The following LRRC7 variants were observed in gnomAD, a reference collection of about 807,000 sequenced individuals.
The protein encoded by LRRC7 is leucine-rich repeat-containing protein 7.
A neutral mutation model predicts 175.7 loss-of-function variants in LRRC7; 23 were observed. That is an observed-to-expected ratio of 0.13 (90% CI 0.09 to 0.19). LRRC7 has a LOEUF of 0.19. LRRC7 is among the 10% of genes least tolerant of loss of function. The pLI, the probability that LRRC7 is intolerant of heterozygous loss-of-function variation, is 1.00. For synonymous variants in LRRC7, 685 were observed against 680.9 expected (o/e 1.01, Z -0.09); for missense variants, 1,354 against 1,904.7 (o/e 0.71, Z 5.38).
intron 5 of LRRC7, among the ~76,000 whole-genome samples, chr1:69,831,679 C>G (rs2101299212): frequency 6.6e-6 from 1 of 152,176 alleles, no homozygotes; most frequent in East Asian, 1.9e-4. Flanking sequence ...CTCTTAAAAG[C>G]AAATTTATGG....
At chr1:69,611,683 C>G (rs1648755756) in intron 1 of LRRC7, among the ~76,000 whole-genome samples, 1 of 152,046 alleles carries the variant, frequency 6.6e-6, no homozygotes, top group Non-Finnish European at 1.5e-5. Context: ...CCATAAGGCA[C>G]ATGGAACCCT....
chr1:69,801,412 AGG>A (rs1488783751), intron 4 of LRRC7, among the ~76,000 whole-genome samples: 8 of 151,728 alleles, frequency 5.3e-5, no homozygotes, highest in Non-Finnish European at 1.0e-4. Flanking sequence ...TGATCTGTTC[AGG>A]ATTTCTATGT....
intron 1 of LRRC7, among the ~76,000 whole-genome samples, chr1:69,573,057 C>T (rs952626897): frequency 2.0e-5 from 3 of 152,112 alleles, no homozygotes; most frequent in Admixed American, 6.6e-5. Context: ...AGTACCTGAA[C>T]TGTAATCATA....
At chr1:69,949,590 A>G (rs1244574439) in intron 8 of LRRC7, among the ~76,000 whole-genome samples, 1 of 151,990 alleles carries the variant, frequency 6.6e-6, no homozygotes, top group Non-Finnish European at 1.5e-5. Context: ...GAATATAAAT[A>G]TTGTACATCT....
intron 4 of LRRC7, among the ~76,000 whole-genome samples, chr1:69,796,851 T>A (rs892461364): frequency 2.6e-5 from 4 of 152,064 alleles, no homozygotes; most frequent in Non-Finnish European, 5.9e-5. Flanking sequence ...TGTCATTTAC[T>A]CTAGGAAACT....
At chr1:69,969,639 A>G (rs1397519967) in intron 8 of LRRC7, among the ~76,000 whole-genome samples, 2 of 152,168 alleles carry the variant, frequency 1.3e-5, no homozygotes, top group African/African-American at 2.4e-5. Flanking sequence ...AACAACTACT[A>G]CTAGACCTAA....
At chr1:69,870,701 A>G (rs113016614) in intron 7 of LRRC7, among the ~76,000 whole-genome samples, 10 of 152,246 alleles carry the variant, frequency 6.6e-5, no homozygotes, top group African/African-American at 2.4e-4. Context: ...GACCCAAATT[A>G]TAAGTTAGCT....
intron 3 of LRRC7, among the ~76,000 whole-genome samples, chr1:69,784,041 G>A (rs1390177930): frequency 6.6e-6 from 1 of 152,068 alleles, no homozygotes; most frequent in African/African-American, 2.4e-5. Flanking sequence ...CGTGTTATAT[G>A]AAACATAAAG....
intron 23 of LRRC7, among the ~76,000 whole-genome samples, chr1:70,055,905 A>G (rs61782643): frequency 0.13 from 19,531 of 152,154 alleles, 1,723 homozygotes; most frequent in African/African-American, 0.24. Flanking sequence ...TAGAACCAAA[A>G]CAATCTTGTG....
At chr1:69,937,934 C>A (rs1012296696) in intron 8 of LRRC7, among the ~76,000 whole-genome samples, 1 of 151,696 alleles carries the variant, frequency 6.6e-6, no homozygotes, top group Non-Finnish European at 1.5e-5. Context: ...ATGATGAGGT[C>A]ATTTTGAGAG....
chr1:70,061,290 C>T (rs1417736553), intron 23 of LRRC7, among the ~76,000 whole-genome samples: 1 of 152,098 alleles, frequency 6.6e-6, no homozygotes, highest in Non-Finnish European at 1.5e-5. Flanking sequence ...TTCCAAACAG[C>T]TTTCTAAATG....
At chr1:69,651,307 A>G (rs1165696342) in intron 1 of LRRC7, among the ~76,000 whole-genome samples, 1 of 152,196 alleles carries the variant, frequency 6.6e-6, no homozygotes, top group Non-Finnish European at 1.5e-5. Context: ...AAAAAAGTGC[A>G]CTACATTTGA....
intron 1 of LRRC7, among the ~76,000 whole-genome samples, chr1:69,650,311 C>T (rs989467740): frequency 2.0e-5 from 3 of 151,684 alleles, no homozygotes; most frequent in Non-Finnish European, 4.4e-5. Context: ...GATGCCAGGA[C>T]GGGTGGATCA....
intron 1 of LRRC7, among the ~76,000 whole-genome samples, chr1:69,653,832 G>A (rs1307931310): frequency 1.3e-5 from 2 of 152,052 alleles, no homozygotes; most frequent in South Asian, 2.1e-4. Flanking sequence ...CTTTGAGGAT[G>A]TTATTCTAAG....
rs1271015111 is a variant in LRRC7, at chr1:70,143,728, C to CAAT, written c.*21842_*21844dup. ...AAACAAATTGCTTACTTTAATAATA[C>CAAT]AATTTTACCATTTTATAAAAAAAAT... On this transcript the variant is annotated 3_prime_UTR_variant, in exon 27 of 27. Coordinates refer to ENST00000651989, the MANE Select transcript of LRRC7 (RefSeq NM_001370785.2). The CAAT allele has an allele frequency of 1.3e-5, 2 of 152,020 alleles. No individual in the cohort carries two copies. Among genetic ancestry groups the CAAT allele is most frequent in the East Asian group, 3.9e-4 (2 of 5,156 alleles). The allele number at this position is 152,020 out of a possible 1,614,324, so 9.4% of individuals were successfully genotyped here.
chr1:70,126,644 A>T lies in LRRC7; in HGVS notation c.*4757A>T, dbSNP rs1028191339. On this transcript the variant is annotated 3_prime_UTR_variant, in exon 27 of 27. Coordinates refer to ENST00000651989, the MANE Select transcript of LRRC7 (RefSeq NM_001370785.2). ...CCCAAAGAATACATTATAGCAAGAA[A>T]ACAGAATGTGGGCTGTGGACAAATA... 6.6e-6 allele frequency among the ~76,000 whole-genome samples: 1 copy of T among 152,208 alleles called. No individual in the cohort carries two copies. Among genetic ancestry groups the T allele is most frequent in the African/African-American group, 2.4e-5 (1 of 41,448 alleles).
intron 1 of LRRC7, among the ~76,000 whole-genome samples, chr1:69,631,760 A>G (rs1234938397): frequency 6.6e-6 from 1 of 152,122 alleles, no homozygotes; most frequent in Non-Finnish European, 1.5e-5. Flanking sequence ...TTTTCCTAAA[A>G]GCCCGATCTC....
At chr1:69,838,203 A>C (rs760485145) in intron 6 of LRRC7, 24 bp from the exon 7 acceptor site, 15 of 1,590,136 alleles carry the variant, frequency 9.4e-6, no homozygotes, top group Non-Finnish European at 1.3e-5. Context: ...ACTAAGAGGA[A>C]ATTTTTAAAA....
chr1:69,735,447 C>T lies in LRRC7; in HGVS notation c.101-24744C>T, dbSNP rs377704366. 3.4e-4 allele frequency among the ~76,000 whole-genome samples: 52 copies of T among 152,164 alleles called. 1 individual carries two copies. The South Asian group carries it at 0.01, about 30-fold the overall frequency. Reference sequence around the variant, plus strand: ...ATTTAGATTATCCATTTGGGCAAGACTACTAGATTGTTGGTGCTTGTGCTT... The same window carrying T: ...ATTTAGATTATCCATTTGGGCAAGATTACTAGATTGTTGGTGCTTGTGCTT... On this transcript the variant is annotated intron_variant, in intron 2 of 26. Transcript: ENST00000651989.
Sources: gnomAD v4.1 joint callset for allele counts (sites outside exome capture counted in the v4.1 genomes callset) on GRCh38, gnomAD v4.1.1 for gene constraint, MANE v1.5 for transcripts, NCBI Gene and HGNC (gene_info 2026-07-23, HGNC 2026-07-21) for gene names.